ZDHHC17: variants seen among roughly 807,000 people sequenced by gnomAD.
ZDHHC17 encodes zDHHC palmitoyltransferase 17, also known as palmitoyltransferase ZDHHC17.
In ZDHHC17, 40 loss-of-function variants were observed where a neutral mutation model predicts 90.3. That is an observed-to-expected ratio of 0.44 (90% confidence interval 0.34 to 0.58). The LOEUF (loss-of-function observed/expected upper bound fraction) is 0.58, where lower values mean the gene tolerates loss of function less well. ZDHHC17 is among the 20% of genes least tolerant of loss of function. The pLI is 0.01. For missense variants in ZDHHC17, 614 were observed against 780.8 expected (o/e 0.79, Z 2.55); for synonymous variants, 235 against 252.4 (o/e 0.93, Z 0.65).
chr12:76,836,785 C>T (rs182963615), intron 10 of ZDHHC17, among the ~76,000 whole-genome samples: 20 of 152,072 alleles, frequency 1.3e-4, no homozygotes, highest in African/African-American at 3.1e-4. Context: ...AATCTTCTAC[C>T]GTGTTGCTAT....
intron 2 of ZDHHC17, among the ~76,000 whole-genome samples, chr12:76,799,931 ATGTT>A (rs1952866675): frequency 6.6e-6 from 1 of 152,184 alleles, no homozygotes; most frequent in Admixed American, 6.5e-5. Flanking sequence ...AAGTCTAAAC[ATGTT>A]TGTTTATGTT....
At chr12:76,848,484 G>T in intron 15 of ZDHHC17, 94 bp downstream of exon 15, 1 of 1,254,718 alleles carries the variant, frequency 8.0e-7, no homozygotes, top group African/African-American at 1.5e-5. Flanking sequence ...AACCACTCCT[G>T]CTCTTCAAAT....
intron 1 of ZDHHC17, chr12:76,769,172 C>T: frequency 3.8e-6 from 1 of 262,566 alleles, no homozygotes; most frequent in Non-Finnish European, 8.0e-6. Flanking sequence ...GATTCTCCTG[C>T]ATCAGCCTCC....
At position 76,795,243 on chromosome 12, in the gene ZDHHC17, T is replaced by G. The variant is rs149671702; in HGVS notation, c.94-2191T>G. ...GTGTGTGTGTGTGTGTGTGTGTGTT[T>G]TGTTGCATTGGTTTTGTTTTAAAAA... On this transcript the variant is annotated intron_variant, in intron 1 of 16. Coordinates refer to ENST00000426126, the MANE Select transcript of ZDHHC17 (RefSeq NM_015336.4). Among the ~76,000 whole-genome samples the G allele has an allele frequency of 3.4e-4, 51 of 150,624 alleles. 1 individual carries two copies. The East Asian group carries it at 7.3e-3, about 22-fold the overall frequency.
chr12:76,787,411 C>T (rs1952700415), intron 1 of ZDHHC17, among the ~76,000 whole-genome samples: 1 of 152,154 alleles, frequency 6.6e-6, no homozygotes, highest in Admixed American at 6.5e-5. Flanking sequence ...TATCCATATA[C>T]AGTGTTATGC....
intron 1 of ZDHHC17, among the ~76,000 whole-genome samples, chr12:76,768,546 C>T (rs193182299): frequency 6.6e-6 from 1 of 152,220 alleles, no homozygotes; most frequent in African/African-American, 2.4e-5. Context: ...ACGTGAAACA[C>T]TGGACGATTC....
intron 1 of ZDHHC17, chr12:76,768,925 C>T (rs1952460866): frequency 5.6e-6 from 1 of 177,730 alleles, no homozygotes; most frequent in Non-Finnish European, 1.2e-5. Flanking sequence ...TTTCGTCTCT[C>T]TTTTTATGGT....
At chr12:76,775,360 G>C (rs1358345495) in intron 1 of ZDHHC17, among the ~76,000 whole-genome samples, 1 of 151,988 alleles carries the variant, frequency 6.6e-6, no homozygotes, top group Non-Finnish European at 1.5e-5. Context: ...TGTTCTTGGT[G>C]GCTCATAAAC....
intron 1 of ZDHHC17, 52 bp downstream of exon 1, chr12:76,764,381 T>G: frequency 1.3e-6 from 2 of 1,501,970 alleles, no homozygotes; most frequent in Non-Finnish European, 1.8e-6. Flanking sequence ...CCAGCCTTTC[T>G]TCCCCGGACT....
chr12:76,795,220 G>GTA (rs968292651), intron 1 of ZDHHC17, among the ~76,000 whole-genome samples: 3 of 149,884 alleles, frequency 2.0e-5, no homozygotes, highest in Non-Finnish European at 4.5e-5. Context: ...GTTCATGGGT[G>GTA]TGTGTGTGTG....
At chr12:76,775,641 A>C (rs1026879134) in intron 1 of ZDHHC17, among the ~76,000 whole-genome samples, 1 of 152,204 alleles carries the variant, frequency 6.6e-6, no homozygotes, top group African/African-American at 2.4e-5. Flanking sequence ...TCTTAGTGGT[A>C]CATACAATAA....
intron 10 of ZDHHC17, among the ~76,000 whole-genome samples, chr12:76,834,942 A>T (rs2137795101): frequency 6.6e-6 from 1 of 152,154 alleles, no homozygotes; most frequent in East Asian, 1.9e-4. Context: ...GGAGCAGGGT[A>T]ATTTTTCCAA....
intron 5 of ZDHHC17, chr12:76,813,374 C>T: frequency 2.2e-6 from 1 of 451,028 alleles, no homozygotes; most frequent in Non-Finnish European, 4.5e-6. Context: ...GAAGATATTC[C>T]TGACAACACT....
At chr12:76,811,739 TGA>T (rs1953024896) in intron 5 of ZDHHC17, among the ~76,000 whole-genome samples, 1 of 150,058 alleles carries the variant, frequency 6.7e-6, no homozygotes, top group African/African-American at 2.5e-5. Context: ...GGCCATCTGC[TGA>T]CTGAGGTTAC....
At chr12:76,821,072 T>A in intron 7 of ZDHHC17, 3 of 1,289,484 alleles carry the variant, frequency 2.3e-6, no homozygotes, top group Non-Finnish European at 3.0e-6. Context: ...TCCTTAGGTG[T>A]CACATGGCCC....
chr12:76,849,335 A>C (rs1953535904), intron 15 of ZDHHC17, 41 bp from the exon 16 acceptor site: 1 of 1,119,042 alleles, frequency 8.9e-7, no homozygotes, highest in South Asian at 1.5e-5. Context: ...AAAAAAAAAA[A>C]AAAAAACAAG....
intron 10 of ZDHHC17, among the ~76,000 whole-genome samples, chr12:76,832,757 C>T (rs371030622): frequency 1.3e-4 from 20 of 152,282 alleles, no homozygotes; most frequent in Middle Eastern, 3.4e-3. Flanking sequence ...CCCTTTTAAA[C>T]GGCAAAATCT....
intron 10 of ZDHHC17, among the ~76,000 whole-genome samples, chr12:76,839,396 G>A (rs1170826881): frequency 1.3e-5 from 2 of 152,178 alleles, no homozygotes; most frequent in East Asian, 1.9e-4. Flanking sequence ...CATGTGGTCT[G>A]TCTCCTTTCT....
At chr12:76,821,218 G>T in intron 7 of ZDHHC17, 1 of 1,023,100 alleles carries the variant, frequency 9.8e-7, no homozygotes, top group South Asian at 1.7e-5. Flanking sequence ...CTTAGGTGAT[G>T]GAATTTTGGA....
Sources: gnomAD v4.1 joint callset for allele counts (sites outside exome capture counted in the v4.1 genomes callset) on GRCh38, gnomAD v4.1.1 for gene constraint, MANE v1.5 for transcripts, NCBI Gene and HGNC (gene_info 2026-07-23, HGNC 2026-07-21) for gene names.